PARD3: variants seen among roughly 807,000 people sequenced by gnomAD.
The protein encoded by PARD3 is partitioning defective 3 homolog.
In PARD3, 75 loss-of-function variants were observed where a neutral mutation model predicts 155.4. The observed-to-expected ratio is 0.48, with a 90% CI of 0.40 to 0.58. The LOEUF (loss-of-function observed/expected upper bound fraction) is 0.58, where lower values mean the gene tolerates loss of function less well. Among genes scored for constraint, PARD3 ranks in the 20% least tolerant of loss-of-function variants. PARD3 has a pLI of 0.00. For synonymous variants in PARD3, 576 were observed against 610.5 expected (o/e 0.94, Z 0.83); for missense variants, 1,642 against 1,721.7 (o/e 0.95, Z 0.82).
At chr10:34,507,502 C>T (rs976946623) in intron 3 of PARD3, among the ~76,000 whole-genome samples, 4 of 135,150 alleles carry the variant, frequency 3.0e-5, no homozygotes, top group Non-Finnish European at 4.5e-5. Context: ...CTGATTTTGC[C>T]GATCCCTGCC....
intron 22 of PARD3, among the ~76,000 whole-genome samples, chr10:34,180,851 A>G (rs140760796): frequency 2.4e-4 from 37 of 152,236 alleles, no homozygotes; most frequent in African/African-American, 8.7e-4. Context: ...TCTAAATGAC[A>G]AAAAGGACTT....
At chr10:34,577,293 A>G (rs996553279) in intron 2 of PARD3, among the ~76,000 whole-genome samples, 1 of 152,308 alleles carries the variant, frequency 6.6e-6, no homozygotes, top group South Asian at 2.1e-4. Context: ...AGTTTTAGCA[A>G]ATGATGCATG....
intron 22 of PARD3, among the ~76,000 whole-genome samples, chr10:34,195,536 A>G (rs1346365568): frequency 2.0e-5 from 3 of 152,232 alleles, no homozygotes; most frequent in Non-Finnish European, 4.4e-5. Context: ...GAAACACATC[A>G]AAGGCAAACA....
chr10:34,812,379 C>G (rs906986422), intron 1 of PARD3, among the ~76,000 whole-genome samples: 1 of 152,220 alleles, frequency 6.6e-6, no homozygotes, highest in Non-Finnish European at 1.5e-5. Flanking sequence ...CACTCCACAA[C>G]TATCCAGCCA....
At chr10:34,674,430 A>G (rs11009861) in intron 2 of PARD3, among the ~76,000 whole-genome samples, 3,073 of 149,244 alleles carry the variant, frequency 0.021, 103 homozygotes, top group African/African-American at 0.072. Context: ...GAGCTGTAAC[A>G]CTACAGCCTC....
chr10:34,579,596 T>G (rs868599064), intron 2 of PARD3, among the ~76,000 whole-genome samples: 29 of 48,454 alleles, frequency 6.0e-4, no homozygotes, highest in Non-Finnish European at 1.3e-3. Flanking sequence ...GTGTGTGTGT[T>G]TTGACACGGA....
intron 20 of PARD3, among the ~76,000 whole-genome samples, chr10:34,299,266 A>G (rs1271996077): frequency 2.0e-5 from 3 of 152,232 alleles, no homozygotes; most frequent in African/African-American, 7.2e-5. Context: ...CTGCTATTCC[A>G]GCTGACAAAG....
intron 24 of PARD3, among the ~76,000 whole-genome samples, chr10:34,116,455 G>T (rs1486773503): frequency 6.6e-6 from 1 of 152,184 alleles, no homozygotes; most frequent in African/African-American, 2.4e-5. Context: ...TCAGAAACTT[G>T]GACTTGACTC....
At chr10:34,736,696 A>G (rs1251531402) in intron 1 of PARD3, among the ~76,000 whole-genome samples, 1 of 151,036 alleles carries the variant, frequency 6.6e-6, no homozygotes, top group Non-Finnish European at 1.5e-5. Context: ...ATTTACTGAG[A>G]CAGAGTCTTG....
At chr10:34,408,253 A>G (rs932353575) in intron 5 of PARD3, among the ~76,000 whole-genome samples, 7 of 152,168 alleles carry the variant, frequency 4.6e-5, no homozygotes, top group Admixed American at 3.3e-4. Flanking sequence ...ACAATTTACA[A>G]TATTTTCTGT....
chr10:34,220,230 TG>T (rs1310664599), intron 22 of PARD3, among the ~76,000 whole-genome samples: 1 of 152,158 alleles, frequency 6.6e-6, no homozygotes, highest in African/African-American at 2.4e-5. Flanking sequence ...CAGAAACACC[TG>T]ATTAAAATAT....
At chr10:34,138,131 G>C (rs1947998508) in intron 22 of PARD3, among the ~76,000 whole-genome samples, 1 of 152,196 alleles carries the variant, frequency 6.6e-6, no homozygotes, top group Non-Finnish European at 1.5e-5. Context: ...TCAAAGACAG[G>C]CATCACATTT....
intron 5 of PARD3, among the ~76,000 whole-genome samples, chr10:34,436,882 C>T (rs2076216179): frequency 6.6e-6 from 1 of 152,062 alleles, no homozygotes; most frequent in East Asian, 1.9e-4. Flanking sequence ...GAATATGTTT[C>T]CGTATTTGCT....
chr10:34,261,027 A>T (rs530704421), intron 22 of PARD3, among the ~76,000 whole-genome samples: 2 of 152,168 alleles, frequency 1.3e-5, no homozygotes, highest in Admixed American at 6.5e-5. Context: ...TATGGTATTT[A>T]TGTTTCCATT....
At chr10:34,516,121 C>G (rs533509289) in intron 3 of PARD3, among the ~76,000 whole-genome samples, 3 of 152,050 alleles carry the variant, frequency 2.0e-5, no homozygotes, top group Non-Finnish European at 4.4e-5. Context: ...ACCGCCACCA[C>G]GCCTGGCTAA....
chr10:34,741,191 T>G lies in PARD3; in HGVS notation c.121-44772A>C, dbSNP rs796653947. Among the ~76,000 whole-genome samples, 15 of 142,530 alleles carry G rather than the reference T, an allele frequency of 1.1e-4. No individual in the cohort carries two copies. In the East Asian group the frequency reaches 2.0e-3, roughly 19 times the overall value. The allele number at this position is 142,530 out of a possible 152,430, so 93.5% of individuals were successfully genotyped here. A position where few individuals can be genotyped will look rare whatever the true frequency, so the allele number is the denominator to read the frequency against. On this transcript the variant is annotated intron_variant, in intron 1 of 24. Coordinates refer to ENST00000374788, the MANE Select transcript of PARD3 (RefSeq NM_001184785.2). Reference sequence around the variant, plus strand: ...TAAACCAAATTTTTTTTTTTTTTTTTTTTGTTTGAGAGAGAGTGAGTCTCA... The same window carrying G: ...TAAACCAAATTTTTTTTTTTTTTTTGTTTGTTTGAGAGAGAGTGAGTCTCA...
intron 15 of PARD3, among the ~76,000 whole-genome samples, chr10:34,347,162 A>G (rs187584110): frequency 1.2e-4 from 18 of 152,374 alleles, no homozygotes; most frequent in African/African-American, 3.8e-4. Flanking sequence ...AAAATATACC[A>G]GTAATAAAAG....
At chr10:34,611,143 G>A (rs1190071454) in intron 2 of PARD3, among the ~76,000 whole-genome samples, 1 of 152,174 alleles carries the variant, frequency 6.6e-6, no homozygotes, top group African/African-American at 2.4e-5. Flanking sequence ...CCTTGAGTGA[G>A]GCAGAATAAG....
Position 34,809,865 on chromosome 10 carries a change from T to C in PARD3, c.120+5011A>G, listed in dbSNP as rs370653554. On this transcript the variant is annotated intron_variant, in intron 1 of 24. Coordinates refer to ENST00000374788, the MANE Select transcript of PARD3 (RefSeq NM_001184785.2). ...AGCTGCTTTCATTTCACTATTTTTA[T>C]GCTTGCCTCTATTTTCTTTCAATCT... Among the ~76,000 whole-genome samples, 188 of 152,366 alleles carry C rather than the reference T, an allele frequency of 1.2e-3. 4 individuals are homozygous for C. The South Asian group carries it at 0.037, about 30-fold the overall frequency.
Sources: gnomAD v4.1 joint callset for allele counts (sites outside exome capture counted in the v4.1 genomes callset) on GRCh38, gnomAD v4.1.1 for gene constraint, MANE v1.5 for transcripts, NCBI Gene and HGNC (gene_info 2026-07-23, HGNC 2026-07-21) for gene names.